Variants in DNAH7 observed in about 807,000 individuals in gnomAD.
DNAH7 encodes axonemal beta dynein heavy chain 7.
A neutral mutation model predicts 444.6 loss-of-function variants in DNAH7; 397 were observed. The observed-to-expected ratio is 0.89, with a 90% CI of 0.82 to 0.97. The LOEUF (loss-of-function observed/expected upper bound fraction) is 0.97. Among genes scored for constraint, DNAH7 ranks in the 50% least tolerant of loss-of-function variants. DNAH7 has a pLI of 0.00. For synonymous variants in DNAH7, 1,636 were observed against 1,624.4 expected (o/e 1.01, Z -0.17); for missense variants, 4,902 against 4,800.8 (o/e 1.02, Z -0.62).
intron 36 of DNAH7, among the ~76,000 whole-genome samples, chr2:195,877,343 A>G (rs2125152649): frequency 6.6e-6 from 1 of 152,340 alleles, no homozygotes; most frequent in East Asian, 1.9e-4. Context: ...TGTAAATCAC[A>G]TATTTTCTTA....
At chr2:195,906,532 C>T in intron 27 of DNAH7, 127 bp downstream of exon 27, 3 of 673,526 alleles carry the variant, frequency 4.5e-6, no homozygotes, top group East Asian at 3.8e-5. Flanking sequence ...TTCAAGTGAT[C>T]CTCCCACCAC....
chr2:195,827,816 A>G (rs1170141857), intron 48 of DNAH7, among the ~76,000 whole-genome samples: 1 of 151,940 alleles, frequency 6.6e-6, no homozygotes, highest in Non-Finnish European at 1.5e-5. Flanking sequence ...GGCTCAACCA[A>G]TCCTCTTACC....
At chr2:196,034,464 T>C (rs886240921) in intron 5 of DNAH7, among the ~76,000 whole-genome samples, 1 of 152,188 alleles carries the variant, frequency 6.6e-6, no homozygotes, top group African/African-American at 2.4e-5. Context: ...AAAAATTCAT[T>C]CACAGTCTCA....
intron 2 of DNAH7, among the ~76,000 whole-genome samples, chr2:196,053,155 A>G (rs750470127): frequency 4.6e-5 from 7 of 152,198 alleles, no homozygotes; most frequent in Non-Finnish European, 1.0e-4. Context: ...TGCTAGGTAG[A>G]TGGAGTAGTA....
At chr2:195,934,826 T>A (rs371021384) in intron 20 of DNAH7, 37 bp from the exon 21 acceptor site, 79 of 1,605,246 alleles carry the variant, frequency 4.9e-5, no homozygotes, top group Non-Finnish European at 6.0e-5. Flanking sequence ...ATTAACCAAG[T>A]TAAAACAATT....
Position 195,857,283 on chromosome 2 carries a change from C to T in DNAH7, c.8414+94G>A, listed in dbSNP as rs1699766654. 6 of 1,104,862 alleles carry T rather than the reference C, an allele frequency of 5.4e-6. No homozygotes were observed. In the East Asian group the frequency reaches 1.0e-4, roughly 19 times the overall value. 68.4% of individuals were successfully genotyped at this position (1,104,862 alleles called of 1,614,324 possible). The stretch of plus-strand genomic sequence containing the variant: ...ATTCAGACAGGATTTTCCAAGGAGC[C>T]TCTCACTTACATAACTTTTAAATTG... On this transcript the variant is annotated intron_variant, in intron 44 of 64. Coordinates refer to ENST00000312428, the MANE Select transcript of DNAH7 (RefSeq NM_018897.3).
chr2:195,780,115 C>T (rs1695302691), intron 58 of DNAH7, among the ~76,000 whole-genome samples: 1 of 152,130 alleles, frequency 6.6e-6, no homozygotes, highest in Non-Finnish European at 1.5e-5. Context: ...CACACACCCA[C>T]TAGCAGTACA....
chr2:195,876,512 A>G, intron 37 of DNAH7, 32 bp downstream of exon 37: 1 of 1,599,708 alleles, frequency 6.3e-7, no homozygotes, highest in Non-Finnish European at 8.5e-7. Flanking sequence ...ATGTATATGA[A>G]TAGGCCCGGG....
chr2:195,779,528 A>G (rs1014544639), intron 58 of DNAH7, among the ~76,000 whole-genome samples: 1 of 151,988 alleles, frequency 6.6e-6, no homozygotes, highest in African/African-American at 2.4e-5. Flanking sequence ...GTCCACAATT[A>G]TTTCATATGT....
chr2:195,750,537 T>C (rs774114055), intron 63 of DNAH7, among the ~76,000 whole-genome samples: 3 of 152,216 alleles, frequency 2.0e-5, no homozygotes, highest in African/African-American at 7.2e-5. Flanking sequence ...AAGAAAACTT[T>C]CGTTGAGAAA....
chr2:195,795,128 C>A (rs1696074470), intron 56 of DNAH7, among the ~76,000 whole-genome samples: 1 of 152,310 alleles, frequency 6.6e-6, no homozygotes, highest in South Asian at 2.1e-4. Context: ...CGCCTGTAAT[C>A]CCAGCACTTT....
At position 195,794,427 on chromosome 2, in the gene DNAH7, C is replaced by T. The variant is rs1382127477; in HGVS notation, c.10627G>A (p.Ala3543Thr). The change falls in exon 57 of 65, where the codon GCA (alanine) becomes ACA (threonine). Residue 3543 changes from alanine to threonine, a missense_variant. Physicochemically the swap from Ala to Thr is moderately conservative, Grantham distance 58 (BLOSUM62 0). Transcript: ENST00000312428. ...LQNGVKMTNEAPKGLRANIIR... is the reference protein window; with the variant it reads ...LQNGVKMTNETPKGLRANIIR... ...ATATTAGCCCGTAAACCTTTTGGTG[C>T]TTCATTGGTCATTTTCACTCCATTC... is the stretch of plus-strand genomic sequence containing the variant. The T allele has an allele frequency of 5.6e-6, 9 of 1,614,130 alleles. No homozygotes were observed. The South Asian group carries it at 7.7e-5, about 14-fold the overall frequency.
chr2:195,990,978 T>TACTTAAATATATATAC (rs1299085079), intron 12 of DNAH7, among the ~76,000 whole-genome samples: 95 of 145,944 alleles, frequency 6.5e-4, no homozygotes, highest in East Asian at 3.7e-3. Context: ...TACATATATA[T>TACTTAAATATATATAC]ATATATATGC....
chr2:195,962,107 G>C (rs530463463), intron 17 of DNAH7, among the ~76,000 whole-genome samples: 57 of 152,236 alleles, frequency 3.7e-4, no homozygotes, highest in African/African-American at 1.3e-3. Flanking sequence ...GTGAGGATAT[G>C]GACAGTTGAG....
At chr2:195,861,279 G>A (rs1380072315) in intron 42 of DNAH7, among the ~76,000 whole-genome samples, 3 of 151,926 alleles carry the variant, frequency 2.0e-5, no homozygotes, top group African/African-American at 7.3e-5. Context: ...AACTCACATT[G>A]ACACTTTCTA....
At chr2:195,793,368 A>G (rs1237121712) in intron 57 of DNAH7, among the ~76,000 whole-genome samples, 1 of 152,222 alleles carries the variant, frequency 6.6e-6, no homozygotes, top group Non-Finnish European at 1.5e-5. Context: ...GCTGTGTTTC[A>G]TAAATTCCTG....
intron 9 of DNAH7, among the ~76,000 whole-genome samples, chr2:196,018,928 C>T (rs1010159037): frequency 1.3e-5 from 2 of 151,892 alleles, no homozygotes; most frequent in African/African-American, 4.8e-5. Context: ...ATCTCATGTA[C>T]CCCATAAATA....
intron 28 of DNAH7, 63 bp from the exon 29 acceptor site, chr2:195,897,828 G>A (rs1050551754): frequency 3.8e-5 from 34 of 902,974 alleles, no homozygotes; most frequent in East Asian, 2.0e-4. Context: ...TACCCGCTTC[G>A]TGTTCGCATA....
intron 5 of DNAH7, among the ~76,000 whole-genome samples, chr2:196,029,808 T>A (rs542078488): frequency 1.3e-5 from 2 of 152,274 alleles, no homozygotes; most frequent in East Asian, 3.9e-4. Flanking sequence ...GTGGCCTGGG[T>A]ACAGAGAAAA....
Sources: allele counts gnomAD v4.1 joint callset (sites outside exome capture counted in the v4.1 genomes callset), GRCh38; gene constraint gnomAD v4.1.1; transcripts MANE v1.5; gene names NCBI Gene and HGNC (gene_info 2026-07-23, HGNC 2026-07-21).